Variants in ROBO2 observed in about 807,000 individuals in gnomAD.
ROBO2 encodes roundabout homolog 2.
ROBO2 carries 53 observed loss-of-function variants against 160.8 expected under a neutral mutation model. That is an observed-to-expected ratio of 0.33 (90% CI 0.26 to 0.41). The LOEUF is 0.41. ROBO2 is among the 10% of genes least tolerant of loss of function. The pLI is 1.00. For missense variants in ROBO2, 1,577 were observed against 1,722.4 expected (o/e 0.92, Z 1.49); for synonymous variants, 664 against 611.7 (o/e 1.09, Z -1.26).
At chr3:76,305,865 AC>A (rs752116843) in intron 2 of ROBO2, among the ~76,000 whole-genome samples, 21 of 152,034 alleles carry the variant, frequency 1.4e-4, no homozygotes, top group Admixed American at 5.2e-4. Context: ...AAACAAAAAA[AC>A]ATCACCTTGT....
chr3:76,380,503 G>A (rs1456623216), intron 2 of ROBO2, among the ~76,000 whole-genome samples: 2 of 152,064 alleles, frequency 1.3e-5, no homozygotes, highest in African/African-American at 4.8e-5. Context: ...CCCAAGACAG[G>A]AGGACCAATT....
At chr3:77,353,315 G>C (rs1322890484) in intron 2 of ROBO2, among the ~76,000 whole-genome samples, 1 of 152,034 alleles carries the variant, frequency 6.6e-6, no homozygotes, top group Non-Finnish European at 1.5e-5. Flanking sequence ...CTTCTAAAAA[G>C]GTGAATTATA....
intron 1 of ROBO2, among the ~76,000 whole-genome samples, chr3:77,046,179 C>T (rs1180618416): frequency 6.6e-6 from 1 of 152,130 alleles, no homozygotes; most frequent in East Asian, 1.9e-4. Context: ...GACTATTTTC[C>T]AAAGCAGCTG....
intron 16 of ROBO2, among the ~76,000 whole-genome samples, chr3:77,582,320 C>A (rs1202171986): frequency 6.6e-6 from 1 of 152,144 alleles, no homozygotes; most frequent in Non-Finnish European, 1.5e-5. Flanking sequence ...AGGCTGCTCT[C>A]GAATTCCTGG....
At chr3:77,145,074 A>G (rs972585296) in intron 2 of ROBO2, among the ~76,000 whole-genome samples, 3 of 152,130 alleles carry the variant, frequency 2.0e-5, no homozygotes, top group Non-Finnish European at 4.4e-5. Flanking sequence ...CTTAGATTCA[A>G]ATTGAAATGA....
At chr3:77,630,062 G>A (rs2095125363) in intron 23 of ROBO2, 1 of 152,170 alleles carries the variant, frequency 6.6e-6, no homozygotes. Flanking sequence ...CAGAATCATG[G>A]TGATAACAGA....
At chr3:77,034,088 G>A (rs9832400) in intron 2 of ROBO2, among the ~76,000 whole-genome samples, 45,546 of 151,364 alleles carry the variant, frequency 0.3, 9,867 homozygotes, top group African/African-American at 0.62. Context: ...AAAATCACTT[G>A]TTGCTATCAT....
intron 2 of ROBO2, among the ~76,000 whole-genome samples, chr3:76,877,338 C>T (rs561109202): frequency 4.6e-5 from 7 of 152,198 alleles, no homozygotes; most frequent in Non-Finnish European, 7.4e-5. Flanking sequence ...CAGAATACGA[C>T]GCTGTTAGGC....
intron 2 of ROBO2, among the ~76,000 whole-genome samples, chr3:76,660,938 G>A (rs192097956): frequency 6.6e-6 from 1 of 152,146 alleles, no homozygotes; most frequent in East Asian, 1.9e-4. Flanking sequence ...GAAAAATGAG[G>A]ATGTATTTTT....
At chr3:76,713,648 T>C in intron 2 of ROBO2, among the ~76,000 whole-genome samples, 1 of 152,200 alleles carries the variant, frequency 6.6e-6, no homozygotes, top group Non-Finnish European at 1.5e-5. Flanking sequence ...GGTAAGTTTT[T>C]CTTGCATTAA....
At chr3:75,971,809 T>G (rs917615816) in intron 2 of ROBO2, among the ~76,000 whole-genome samples, 1 of 151,490 alleles carries the variant, frequency 6.6e-6, no homozygotes, top group Non-Finnish European at 1.5e-5. Flanking sequence ...AGAAGCTTAT[T>G]CACAAAAAGG....
intron 16 of ROBO2, 22 bp from the exon 18 acceptor site, chr3:77,588,723 TATACTA>T (rs1314120429): frequency 3.7e-6 from 6 of 1,604,158 alleles, no homozygotes; most frequent in Non-Finnish European, 5.1e-6. Flanking sequence ...CGTTTTAATA[TATACTA>T]ATACTATGGT....
At chr3:76,741,937 A>G (rs1489521535) in intron 2 of ROBO2, among the ~76,000 whole-genome samples, 4 of 152,032 alleles carry the variant, frequency 2.6e-5, no homozygotes, top group Non-Finnish European at 5.9e-5. Flanking sequence ...CCTTTATAAG[A>G]GTTATGTCTA....
intron 2 of ROBO2, among the ~76,000 whole-genome samples, chr3:75,987,891 T>C (rs533535007): frequency 6.6e-6 from 1 of 152,110 alleles, no homozygotes; most frequent in African/African-American, 2.4e-5. Context: ...TAAATCCCAC[T>C]TGGTCATTCT....
chr3:76,886,081 C>T (rs975119358), intron 2 of ROBO2, among the ~76,000 whole-genome samples: 1 of 152,048 alleles, frequency 6.6e-6, no homozygotes, highest in Non-Finnish European at 1.5e-5. Flanking sequence ...GGCAAAATTG[C>T]GCTTGATGCA....
intron 2 of ROBO2, among the ~76,000 whole-genome samples, chr3:76,460,051 G>T (rs886343714): frequency 1.3e-5 from 2 of 151,858 alleles, no homozygotes; most frequent in Non-Finnish European, 2.9e-5. Flanking sequence ...TTAACACAAA[G>T]GAAAATGTTC....
chr3:76,868,166 G>GT (rs751874692), intron 2 of ROBO2, among the ~76,000 whole-genome samples: 67 of 152,010 alleles, frequency 4.4e-4, no homozygotes, highest in African/African-American at 1.6e-3. Flanking sequence ...GTTACGATTT[G>GT]TTTTTTTTAC....
chr3:76,485,620 G>A (rs1308480723), intron 2 of ROBO2, among the ~76,000 whole-genome samples: 1 of 152,122 alleles, frequency 6.6e-6, no homozygotes, highest in Non-Finnish European at 1.5e-5. Flanking sequence ...TGAGAAATAG[G>A]TGTCACCTGT....
At chr3:76,465,419 G>T (rs2078308036) in intron 2 of ROBO2, among the ~76,000 whole-genome samples, 1 of 151,898 alleles carries the variant, frequency 6.6e-6, no homozygotes. Context: ...TTGGGATCTG[G>T]GATAAGGCAT....
Sources: gnomAD v4.1 joint callset for allele counts (sites outside exome capture counted in the v4.1 genomes callset) on GRCh38, gnomAD v4.1.1 for gene constraint, MANE v1.5 for transcripts, NCBI Gene and HGNC (gene_info 2026-07-23, HGNC 2026-07-21) for gene names.